Variants in NOSTRIN observed in about 807,000 individuals in gnomAD.
NOSTRIN encodes BM247 homolog.
NOSTRIN carries 63 observed loss-of-function variants against 59.0 expected under a neutral mutation model. That is an observed-to-expected ratio of 1.07 (90% CI 0.87 to 1.32). NOSTRIN has a LOEUF of 1.32. Ranked by LOEUF, NOSTRIN falls within the 40% of genes most tolerant of loss-of-function variation. The pLI is 0.00. For synonymous variants in NOSTRIN, 200 were observed against 165.4 expected, an observed-to-expected ratio of 1.21 and a Z score of -1.61; for missense variants, 512 against 473.1, an observed-to-expected ratio of 1.08 and a Z score of -0.76.
chr2:168,800,909 T>TAAAA (rs1472847040), upstream of NOSTRIN, among the ~76,000 whole-genome samples: 148 of 59,480 alleles, frequency 2.5e-3, 1 homozygote, highest in South Asian at 0.03. Flanking sequence ...TAAATTTCTT[T>TAAAA]TAAAAAAAAA....
At chr2:168,825,178 A>AC in intron 3 of NOSTRIN, among the ~76,000 whole-genome samples, 2 of 152,324 alleles carry the variant, frequency 1.3e-5, no homozygotes, top group East Asian at 3.9e-4. Context: ...GTGTGCATGC[A>AC]CTGTGTTAAT....
intron 13 of NOSTRIN, 126 bp from the exon 14 acceptor site, chr2:168,860,669 T>TA (rs71003061): frequency 0.43 from 236,939 of 545,102 alleles, 21,763 homozygotes; most frequent in Admixed American, 0.49. Context: ...AGACTCTGTC[T>TA]AAAAAAAAAA....
chr2:168,861,277 G>A (rs1210789655), intron 14 of NOSTRIN, among the ~76,000 whole-genome samples: 2 of 152,120 alleles, frequency 1.3e-5, no homozygotes, highest in African/African-American at 4.8e-5. Context: ...CTCTCTGCGA[G>A]ACACATGGTG....
At chr2:168,849,918 A>T (rs1574324582) in intron 8 of NOSTRIN, among the ~76,000 whole-genome samples, 8 of 91,384 alleles carry the variant, frequency 8.8e-5, no homozygotes, top group Admixed American at 2.3e-4. Flanking sequence ...ACATTTTCTC[A>T]TTTTTTTTTT....
chr2:168,850,493 C>T (rs1437881142), intron 8 of NOSTRIN, among the ~76,000 whole-genome samples: 4 of 152,178 alleles, frequency 2.6e-5, no homozygotes, highest in African/African-American at 9.7e-5. Flanking sequence ...AGCAGAACGC[C>T]TTGAATGTAC....
chr2:168,850,844 C>T lies in NOSTRIN; in HGVS notation c.631-240C>T, dbSNP rs140360007. 157 of 792,950 alleles carry T rather than the reference C, an allele frequency of 2.0e-4. 1 individual carries two copies. The East Asian group carries it at 4.0e-3, about 20-fold the overall frequency. 49.1% of individuals were successfully genotyped at this position (792,950 alleles called of 1,614,324 possible). On this transcript the variant is annotated intron_variant, in intron 8 of 15. Coordinates refer to ENST00000317647, the MANE Select transcript of NOSTRIN (RefSeq NM_001039724.4). The stretch of plus-strand genomic sequence containing the variant: ...CTTCCTCATAAACTTAGGTAACCCA[C>T]AGCATCTGCCTATATGCCTTTTGGG...
intron 1 of NOSTRIN, 89 bp downstream of exon 1, chr2:168,802,762 G>C: frequency 1.2e-6 from 1 of 820,446 alleles, no homozygotes; most frequent in South Asian, 1.4e-5. Flanking sequence ...TAAGAAATTT[G>C]AGACACTCAG....
chr2:168,815,931 A>C (rs1046350842), intron 2 of NOSTRIN, among the ~76,000 whole-genome samples: 4 of 152,194 alleles, frequency 2.6e-5, no homozygotes, highest in Non-Finnish European at 5.9e-5. Flanking sequence ...ATCTGTATCC[A>C]TGATTCTGTC....
chr2:168,840,544 A>C (rs111352163), intron 7 of NOSTRIN, among the ~76,000 whole-genome samples: 69 of 151,560 alleles, frequency 4.6e-4, no homozygotes, highest in South Asian at 2.5e-3. Flanking sequence ...AAAAAAAAAA[A>C]AAAAAAACAA....
chr2:168,837,073 C>T lies in NOSTRIN; in HGVS notation c.504+2748C>T, dbSNP rs542079020. ...TGGTGGAAAGAGAGCAAGGAAGCTC[C>T]CTGGGGCCTCTTCTATAAGGGCAGT... On this transcript the variant is annotated intron_variant, in intron 7 of 15. Coordinates refer to ENST00000317647, the MANE Select transcript of NOSTRIN (RefSeq NM_001039724.4). Among the ~76,000 whole-genome samples the T allele has an allele frequency of 4.6e-5, 7 of 152,210 alleles. No homozygotes were observed. The South Asian group carries it at 1.5e-3, about 32-fold the overall frequency.
intron 1 of NOSTRIN, among the ~76,000 whole-genome samples, chr2:168,805,043 A>G (rs1287153990): frequency 6.6e-6 from 1 of 152,220 alleles, no homozygotes; most frequent in Non-Finnish European, 1.5e-5. Context: ...AATACATTCT[A>G]AAAAATATAT....
chr2:168,811,523 A>T (rs1455009855), intron 1 of NOSTRIN, 44 bp from the exon 2 acceptor site: 1 of 711,724 alleles, frequency 1.4e-6, no homozygotes, highest in Non-Finnish European at 2.5e-6. Context: ...GTTGCTCGTA[A>T]TCTTCCTGTT....
rs1214424482 is a variant in NOSTRIN, at chr2:168,856,697, A to G, written c.972A>G (p.Glu324=). The change falls in exon 12 of 16, where the codon GAA becomes GAG. Residue 324 remains glutamate, a synonymous_variant. Transcript: ENST00000317647. ...EKASKDKEGL[E]RMLKTYSSTS... is the part of the protein sequence containing the mutation. ...ACATGATTTCATTTTCAGGCCTGGA[A>G]CGAATGCTTAAAACGTACTCCAGCA... 1 of 1,613,976 alleles carries G rather than the reference A, an allele frequency of 6.2e-7. No homozygotes were observed.
intron 7 of NOSTRIN, among the ~76,000 whole-genome samples, chr2:168,841,662 C>T (rs562777862): frequency 5.9e-5 from 9 of 152,344 alleles, no homozygotes; most frequent in African/African-American, 2.2e-4. Flanking sequence ...TGCCATTTGC[C>T]TTATCTGTGT....
At chr2:168,860,668 C>CA (rs1689380034) in intron 13 of NOSTRIN, 127 bp from the exon 14 acceptor site, 11 of 528,320 alleles carry the variant, frequency 2.1e-5, no homozygotes, top group African/African-American at 1.8e-4. Flanking sequence ...AAGACTCTGT[C>CA]TAAAAAAAAA....
intron 11 of NOSTRIN, chr2:168,856,362 G>C: frequency 3.4e-6 from 1 of 295,118 alleles, no homozygotes; most frequent in Admixed American, 4.7e-5. Context: ...GGATCACAAG[G>C]TCAGGCGCTG....
At position 168,859,590 on chromosome 2, in the gene NOSTRIN, C is replaced by T; in HGVS notation, c.1132C>T (p.Gln378Ter). 1.9e-6 allele frequency: 3 copies of T among 1,614,092 alleles called. No homozygotes were observed. Among genetic ancestry groups the T allele is most frequent in the Non-Finnish European group, 2.5e-6 (3 of 1,179,996 alleles). Residue 378 changes from glutamine (Q) to a stop codon, truncating the protein, a stop_gained, in exon 13 of 16, where the codon CAA becomes TAA. Transcript: ENST00000317647. LOFTEE classifies it high-confidence loss of function. Reference sequence around the variant, plus strand: ...GTTAGCAGAACTTGAGCAAAGACCTCAACCCAGCCATCCTTGTAGTAATTC... The same window carrying T: ...GTTAGCAGAACTTGAGCAAAGACCTTAACCCAGCCATCCTTGTAGTAATTC... Reference protein sequence around the residue: ...SMLAELEQRPQPSHPCSNSIF... With the variant: ...SMLAELEQRP
At chr2:168,842,829 T>C (rs1424376221) in intron 7 of NOSTRIN, among the ~76,000 whole-genome samples, 163 bp from the exon 8 acceptor site, 1 of 152,238 alleles carries the variant, frequency 6.6e-6, no homozygotes, top group African/African-American at 2.4e-5. Context: ...CATGCCTTTT[T>C]TTCTTATAAA....
At chr2:168,806,306 A>T (rs941098970) in intron 1 of NOSTRIN, among the ~76,000 whole-genome samples, 6 of 152,102 alleles carry the variant, frequency 3.9e-5, no homozygotes, top group Non-Finnish European at 7.4e-5. Context: ...AATAAAAATA[A>T]ATTTTTCTAT....
Sources: gnomAD v4.1 joint callset for allele counts (sites outside exome capture counted in the v4.1 genomes callset) on GRCh38, gnomAD v4.1.1 for gene constraint, MANE v1.5 for transcripts, NCBI Gene and HGNC (gene_info 2026-07-23, HGNC 2026-07-21) for gene names.